The following RABGAP1 variants were observed in gnomAD, a reference collection of about 807,000 sequenced individuals.
RABGAP1 encodes the protein RAB GTPase activating protein 1, also known as rab GTPase-activating protein 1.
In RABGAP1, 23 loss-of-function variants were observed where a neutral mutation model predicts 137.6. The ratio of observed to expected loss-of-function variants is 0.17; its 90% confidence interval spans 0.12 to 0.24. The LOEUF is 0.24. Among genes scored for constraint, RABGAP1 ranks in the 10% least tolerant of loss-of-function variants. The pLI, the probability that RABGAP1 is intolerant of heterozygous loss-of-function variation, is 1.00. For synonymous variants in RABGAP1, 451 were observed against 450.7 expected, an observed-to-expected ratio of 1.00 and a Z score of -0.01; for missense variants, 906 against 1,275.8, an observed-to-expected ratio of 0.71 and a Z score of 4.42.
chr9:122,960,386 A>G (rs1011170289), intron 2 of RABGAP1, among the ~76,000 whole-genome samples: 2 of 152,236 alleles, frequency 1.3e-5, no homozygotes, highest in Admixed American at 1.3e-4. Context: ...AATCAGCGAG[A>G]GCCCTGCCCA....
upstream of RABGAP1, chr9:122,939,432 A>C (rs910328378): frequency 2.0e-5 from 3 of 152,056 alleles, no homozygotes; most frequent in Non-Finnish European, 2.9e-5. Flanking sequence ...TCAGCCTCCC[A>C]AAGTGTTAAA....
At chr9:123,100,925 A>G (rs2035326930) in intron 24 of RABGAP1, among the ~76,000 whole-genome samples, 2 of 152,208 alleles carry the variant, frequency 1.3e-5, no homozygotes, top group African/African-American at 4.8e-5. Context: ...TTCTGAGATA[A>G]GCATTTCTTT....
chr9:123,007,912 T>C (rs989528116), intron 10 of RABGAP1, among the ~76,000 whole-genome samples: 1 of 149,236 alleles, frequency 6.7e-6, no homozygotes, highest in South Asian at 2.1e-4. Context: ...TTAAATTTTA[T>C]ATATAATTTA....
At chr9:123,030,956 T>TTTTTAAAGTTTCTTAAATGAATATTTTGA in intron 13 of RABGAP1, among the ~76,000 whole-genome samples, 1 of 152,228 alleles carries the variant, frequency 6.6e-6, no homozygotes, top group African/African-American at 2.4e-5. Context: ...TAGTCTTTTT[T>TTTTTAAAGTTTCTTAAATGAATATTTTGA]TTTTAAAGTT....
At chr9:123,072,003 A>G (rs998296372) in intron 15 of RABGAP1, among the ~76,000 whole-genome samples, 1 of 152,144 alleles carries the variant, frequency 6.6e-6, no homozygotes, top group Non-Finnish European at 1.5e-5. Context: ...AGCAACAGGT[A>G]TTCAAGGGTA....
chr9:122,955,019 T>C lies in RABGAP1; in HGVS notation c.-49-1992T>C, dbSNP rs75338328. On this transcript the variant is annotated intron_variant, in intron 1 of 25. Transcript: ENST00000373647. ...GTAGGAACAGATATAAGGGCAACAG[T>C]TCTTTGGATTCTGGGGTGAGAACGG... Among the ~76,000 whole-genome samples the C allele has an allele frequency of 9.9e-3, 1,508 of 152,252 alleles. 5 individuals are homozygous for C. The highest frequency in any genetic ancestry group is 0.015 in the Non-Finnish European group (989 of 68,012).
At chr9:122,954,614 G>A (rs1834412480) in intron 1 of RABGAP1, among the ~76,000 whole-genome samples, 1 of 152,030 alleles carries the variant, frequency 6.6e-6, no homozygotes, top group Non-Finnish European at 1.5e-5. Context: ...AGGCCCTCTG[G>A]CATCCAACTG....
At chr9:123,014,028 T>C (rs1441546543) in intron 11 of RABGAP1, among the ~76,000 whole-genome samples, 1 of 152,258 alleles carries the variant, frequency 6.6e-6, no homozygotes, top group African/African-American at 2.4e-5. Context: ...TTCAGTATTC[T>C]TAAAAATATG....
intron 10 of RABGAP1, among the ~76,000 whole-genome samples, chr9:123,001,140 G>T (rs768318802): frequency 6.6e-6 from 1 of 152,024 alleles, no homozygotes; most frequent in Admixed American, 6.6e-5. Context: ...GAGCCACCGC[G>T]CCTGGCCCTA....
chr9:123,044,279 C>T (rs1339654825), intron 13 of RABGAP1, among the ~76,000 whole-genome samples: 2 of 152,118 alleles, frequency 1.3e-5, no homozygotes, highest in South Asian at 2.1e-4. Context: ...AAAGGGAAAT[C>T]GGGAAGGAGG....
At chr9:123,048,393 G>A (rs576745057) in intron 13 of RABGAP1, among the ~76,000 whole-genome samples, 2 of 152,212 alleles carry the variant, frequency 1.3e-5, no homozygotes, top group Admixed American at 6.5e-5. Context: ...CCATTGATTC[G>A]ATTATTTAAA....
intron 13 of RABGAP1, among the ~76,000 whole-genome samples, chr9:123,044,647 G>A (rs2033122608): frequency 6.6e-6 from 1 of 152,012 alleles, no homozygotes; most frequent in Admixed American, 6.6e-5. Context: ...GTGTGTGTGT[G>A]TGTGTGTATG....
At chr9:123,101,243 C>T (rs2035335750) in intron 24 of RABGAP1, among the ~76,000 whole-genome samples, 1 of 151,886 alleles carries the variant, frequency 6.6e-6, no homozygotes. Context: ...ATAGTTTATC[C>T]CCTGCTTTTT....
At chr9:122,977,120 A>G (rs548253777) in intron 2 of RABGAP1, among the ~76,000 whole-genome samples, 1 of 152,324 alleles carries the variant, frequency 6.6e-6, no homozygotes, top group South Asian at 2.1e-4. Context: ...AGGATTTAAA[A>G]ACAAGGCAGT....
At chr9:123,074,086 T>C (rs2034441248) in intron 16 of RABGAP1, among the ~76,000 whole-genome samples, 199 bp from the exon 17 acceptor site, 1 of 152,180 alleles carries the variant, frequency 6.6e-6, no homozygotes, top group African/African-American at 2.4e-5. Flanking sequence ...CCTCTTTCTT[T>C]AGAACAAGTT....
intron 13 of RABGAP1, among the ~76,000 whole-genome samples, chr9:123,027,828 C>T (rs1247606983): frequency 2.0e-5 from 3 of 152,198 alleles, no homozygotes; most frequent in African/African-American, 7.2e-5. Context: ...TTTTTCACAA[C>T]TGAGCACTCT....
intron 1 of RABGAP1, among the ~76,000 whole-genome samples, chr9:122,941,448 C>T (rs980070724): frequency 6.6e-6 from 1 of 152,214 alleles, no homozygotes; most frequent in Non-Finnish European, 1.5e-5. Flanking sequence ...ATGTTTTATG[C>T]TTGGTCCTAT....
At chr9:122,959,813 G>A (rs1834755515) in intron 2 of RABGAP1, among the ~76,000 whole-genome samples, 1 of 152,176 alleles carries the variant, frequency 6.6e-6, no homozygotes, top group Non-Finnish European at 1.5e-5. Flanking sequence ...TTCTGGCCAA[G>A]TGTGACTAAG....
chr9:122,950,155 G>T (rs887566194), intron 1 of RABGAP1, among the ~76,000 whole-genome samples: 1 of 152,052 alleles, frequency 6.6e-6, no homozygotes, highest in Non-Finnish European at 1.5e-5. Flanking sequence ...TTAACTTTGG[G>T]GGCTAAATAA....
Sources: allele counts gnomAD v4.1 joint callset (sites outside exome capture counted in the v4.1 genomes callset), GRCh38; gene constraint gnomAD v4.1.1; transcripts MANE v1.5; gene names NCBI Gene and HGNC (gene_info 2026-07-23, HGNC 2026-07-21).